ZBTB1: variants seen among roughly 807,000 people sequenced by gnomAD.
ZBTB1 encodes the protein zinc finger and BTB domain-containing protein 1.
ZBTB1 carries 13 observed loss-of-function variants against 51.6 expected under a neutral mutation model. The ratio of observed to expected loss-of-function variants is 0.25; its 90% CI spans 0.16 to 0.40. The LOEUF (loss-of-function observed/expected upper bound fraction) is 0.40. Among genes scored for constraint, ZBTB1 ranks in the 10% least tolerant of loss-of-function variants. The pLI, the probability that ZBTB1 is intolerant of heterozygous loss-of-function variation, is 1.00. For synonymous variants in ZBTB1, 240 were observed against 282.2 expected, an observed-to-expected ratio of 0.85 and a Z score of 1.50; for missense variants, 567 against 856.5, an observed-to-expected ratio of 0.66 and a Z score of 4.22.
At chr14:64,505,531 G>C (rs28469649) in intron 1 of ZBTB1, among the ~76,000 whole-genome samples, 34,875 of 152,224 alleles carry the variant, frequency 0.23, 4,665 homozygotes, top group Non-Finnish European at 0.31. Context: ...TGTTTCTTGG[G>C]AAGGGAGTGC....
At chr14:64,515,123 C>A (rs2079767102) in intron 1 of ZBTB1, among the ~76,000 whole-genome samples, 1 of 152,200 alleles carries the variant, frequency 6.6e-6, no homozygotes, top group African/African-American at 2.4e-5. Context: ...TTAATTCTTG[C>A]TAGAGTTCTG....
At chr14:64,515,177 T>G (rs1355347676) in intron 1 of ZBTB1, among the ~76,000 whole-genome samples, 2 of 152,214 alleles carry the variant, frequency 1.3e-5, no homozygotes, top group African/African-American at 4.8e-5. Context: ...CTTGGCATTA[T>G]ATAGCTTGTT....
intron 1 of ZBTB1, among the ~76,000 whole-genome samples, chr14:64,505,479 AAG>A (rs1301314974): frequency 6.6e-6 from 1 of 152,194 alleles, no homozygotes; most frequent in Non-Finnish European, 1.5e-5. Context: ...GTTCAGTAAA[AAG>A]TGGAAGGTCT....
chr14:64,517,760 T>C lies in ZBTB1; in HGVS notation c.-18-3727T>C, dbSNP rs1172772979. On this transcript the variant is annotated intron_variant, in intron 1 of 1. Transcript: ENST00000683701. ...CTTCTGTAGTTGCCATTTAGAAATA[T>C]ATATATATATATATATATATATTTT... 9.6e-3 allele frequency among the ~76,000 whole-genome samples: 186 copies of C among 19,380 alleles called. 1 individual carries two copies. The highest frequency in any genetic ancestry group is 0.033 in the Admixed American group (35 of 1,046). 12.7% of individuals were successfully genotyped at this position (19,380 alleles called of 152,430 possible).
At chr14:64,533,150 A>G (rs1291044550) in exon 3 of ZBTB1, 2 of 152,158 alleles carry the variant, frequency 1.3e-5, no homozygotes, top group African/African-American at 4.8e-5. Context: ...ATTCATTCTA[A>G]TAATTAGACT....
intron 1 of ZBTB1, among the ~76,000 whole-genome samples, chr14:64,520,862 C>CT (rs146222409): frequency 0.031 from 4,429 of 141,872 alleles, 77 homozygotes; most frequent in Non-Finnish European, 0.048. Flanking sequence ...GAGTTGTTTT[C>CT]TTTTTTTTTT....
chr14:64,523,660 G>A lies in ZBTB1; in HGVS notation c.*14G>A. 2 of 1,534,290 alleles carry A rather than the reference G, an allele frequency of 1.3e-6. No individual in the cohort carries two copies. Among genetic ancestry groups the A allele is most frequent in the Non-Finnish European group, 1.8e-6 (2 of 1,138,152 alleles). On this transcript the variant is annotated 3_prime_UTR_variant, in exon 2 of 2. Coordinates refer to ENST00000683701, the MANE Select transcript of ZBTB1 (RefSeq NM_001123329.2). This position sits in a 1 kb window ranked among gnomAD's most constrained non-coding sequence, Gnocchi z 4.5. Reference sequence around the variant, plus strand: ...AAAAGAACCTGAGTGATTTTCTACTGTACTAATGTTTAGATGATAGCAGAT... The same window carrying A: ...AAAAGAACCTGAGTGATTTTCTACTATACTAATGTTTAGATGATAGCAGAT...
intron 1 of ZBTB1, chr14:64,511,210 G>A (rs2079721130): frequency 6.6e-6 from 1 of 152,240 alleles, no homozygotes; most frequent in East Asian, 1.9e-4. Flanking sequence ...ATTTCCTGGT[G>A]AAGCGTTTTT....
chr14:64,522,766 C>T lies in ZBTB1; in HGVS notation c.1262C>T (p.Ala421Val), dbSNP rs768870867. Reference sequence around the variant, plus strand: ...CCAGTACAAGAGGATGCTGAAAATGCATCTTGTGAGCTGTGTGGACTTACA... The same window carrying T: ...CCAGTACAAGAGGATGCTGAAAATGTATCTTGTGAGCTGTGTGGACTTACA... ...SSPVQEDAEN[A>V]SCELCGLTIT... The change falls in exon 2 of 2, where the codon GCA becomes GTA. Residue 421 changes from alanine to valine, a missense_variant. Coordinates refer to ENST00000683701, the MANE Select transcript of ZBTB1 (RefSeq NM_001123329.2). The T allele has an allele frequency of 1.6e-5, 26 of 1,614,084 alleles. No homozygotes were observed. Among genetic ancestry groups the T allele is most frequent in the Non-Finnish European group, 1.6e-5 (19 of 1,180,028 alleles).
At chr14:64,504,969 G>A in intron 1 of ZBTB1, 23 bp downstream of exon 1, 1 of 394,432 alleles carries the variant, frequency 2.5e-6, no homozygotes, top group Non-Finnish European at 4.5e-6. Context: ...CAGTTGTGGG[G>A]CTATTTGCGC....
chr14:64,524,493 T>G lies in ZBTB1; in HGVS notation c.*847T>G, dbSNP rs1240715217. On this transcript the variant is annotated 3_prime_UTR_variant, in exon 2 of 2. Coordinates refer to ENST00000683701, the MANE Select transcript of ZBTB1 (RefSeq NM_001123329.2). The stretch of plus-strand genomic sequence containing the variant: ...CTAAAGTGTGTTAGCTTATCAATTA[T>G]TTTTGTTTATAAATAGACTTTAATA... 1.1e-6 allele frequency: 1 copy of G among 920,704 alleles called. No homozygotes were observed. The highest frequency in any genetic ancestry group is 1.2e-4 in the East Asian group (1 of 8,516). The allele number at this position is 920,704 out of a possible 1,614,324, so 57.0% of individuals were successfully genotyped here. A position where few individuals can be genotyped will look rare whatever the true frequency, so the allele number is the denominator to read the frequency against.
upstream of ZBTB1, chr14:64,504,709 G>C (rs1291349270): frequency 2.7e-6 from 1 of 371,284 alleles, no homozygotes; most frequent in African/African-American, 2.1e-5. Flanking sequence ...GAGTCGCCGC[G>C]TAAGCGGGGC....
downstream of ZBTB1, among the ~76,000 whole-genome samples, chr14:64,525,706 T>TA (rs968856745): frequency 3.9e-5 from 6 of 152,258 alleles, no homozygotes; most frequent in Admixed American, 1.3e-4. Flanking sequence ...AGTCTTTTGA[T>TA]ATGTACTAAC....
At chr14:64,533,257 C>T (rs2079956530) in exon 3 of ZBTB1, 1 of 151,870 alleles carries the variant, frequency 6.6e-6, no homozygotes, top group South Asian at 2.1e-4. Context: ...AATTCTACTG[C>T]TTTAAGAGAA....
chr14:64,505,697 G>C (rs1048669246), intron 1 of ZBTB1, among the ~76,000 whole-genome samples: 6 of 152,174 alleles, frequency 3.9e-5, no homozygotes, highest in Non-Finnish European at 7.3e-5. Flanking sequence ...ATGATCTGAA[G>C]GGTTGACATG....
chr14:64,522,635 T>C lies in ZBTB1; in HGVS notation c.1131T>C (p.Asp377=). The change falls in exon 2 of 2, where the codon GAT becomes GAC. Residue 377 remains aspartate (D), a synonymous_variant. Coordinates refer to ENST00000683701, the MANE Select transcript of ZBTB1 (RefSeq NM_001123329.2). ...TTTATAGATACTATGTTGAAGAAGA[T>C]GTCAGCATAAAAAAAAGTGGTAGGA... is the stretch of plus-strand genomic sequence containing the variant. ...EPFYRYYVEE[D]VSIKKSGRKT... The C allele has an allele frequency of 6.2e-7, 1 of 1,614,138 alleles. No homozygotes were observed. Among genetic ancestry groups the C allele is most frequent in the Non-Finnish European group, 8.5e-7 (1 of 1,180,020 alleles).
upstream of ZBTB1, chr14:64,504,639 G>A (rs965952279): frequency 3.7e-5 from 12 of 325,808 alleles, no homozygotes; most frequent in Non-Finnish European, 6.1e-5. Flanking sequence ...CAGAGTGGGT[G>A]GGCGGGCGAG....
chr14:64,504,441 T>C (rs10133696), upstream of ZBTB1: 35,253 of 153,662 alleles, frequency 0.23, 4,741 homozygotes, highest in Non-Finnish European at 0.31. Context: ...GGAGCCCAGT[T>C]CCATCCAGCT....
Position 64,523,703 on chromosome 14 carries a change from G to A in ZBTB1, c.*57G>A, listed in dbSNP as rs980779076. The A allele has an allele frequency of 2.7e-6, 4 of 1,464,112 alleles. No individual in the cohort carries two copies. In the Admixed American group the frequency reaches 8.0e-5, roughly 29 times the overall value. 90.7% of individuals were successfully genotyped at this position (1,464,112 alleles called of 1,614,324 possible). A position where few individuals can be genotyped will look rare whatever the true frequency, so the allele number is the denominator to read the frequency against. ...TAGCAGATAAAACACCAAAGCAAAG[G>A]ATATGAGCTATTTAGGAATTGATTA... On this transcript the variant is annotated 3_prime_UTR_variant, in exon 2 of 2. Coordinates refer to ENST00000683701, the MANE Select transcript of ZBTB1 (RefSeq NM_001123329.2). The surrounding 1 kb of genome is among the most constrained non-coding windows in gnomAD (Gnocchi z 4.5).
Sources: allele counts gnomAD v4.1 joint callset (sites outside exome capture counted in the v4.1 genomes callset), GRCh38; gene constraint gnomAD v4.1.1; non-coding constraint Gnocchi (gnomAD v3.1); transcripts MANE v1.5; gene names NCBI Gene and HGNC (gene_info 2026-07-23, HGNC 2026-07-21).